Variants in CFAP77 observed in about 807,000 individuals in gnomAD.
CFAP77 encodes the protein cilia- and flagella-associated protein 77.
In CFAP77, 25 loss-of-function variants were observed where a neutral mutation model predicts 31.1. The observed-to-expected ratio is 0.80, with a 90% CI of 0.59 to 1.12. CFAP77 has a LOEUF of 1.12. Ranked by LOEUF, CFAP77 falls within the 50% of genes most tolerant of loss-of-function variation. The probability of loss-of-function intolerance (pLI) is 0.00; values close to 1 mark genes in which losing one functional copy is unlikely to be tolerated. For missense variants in CFAP77, 377 were observed against 397.3 expected (o/e 0.95, Z 0.44); for synonymous variants, 151 against 159.9 (o/e 0.94, Z 0.42).
At chr9:132,448,314 T>G (rs1850763930) in intron 1 of CFAP77, among the ~76,000 whole-genome samples, 1 of 152,132 alleles carries the variant, frequency 6.6e-6, no homozygotes, top group African/African-American at 2.4e-5. Context: ...CACATTCAAT[T>G]AGGTTGATTA....
chr9:132,561,661 A>ACACACAC (rs1247071368), intron 5 of CFAP77, among the ~76,000 whole-genome samples: 40 of 46,484 alleles, frequency 8.6e-4, no homozygotes, highest in Non-Finnish European at 1.7e-4. Context: ...ACACACACAC[A>ACACACAC]CCCCCTCCAT....
At chr9:132,472,842 G>T (rs1353552377) in intron 1 of CFAP77, among the ~76,000 whole-genome samples, 1 of 152,174 alleles carries the variant, frequency 6.6e-6, no homozygotes, top group African/African-American at 2.4e-5. Flanking sequence ...CTCTGGGAAA[G>T]CATTTGTATT....
chr9:132,443,007 G>T (rs1850639996), intron 1 of CFAP77, among the ~76,000 whole-genome samples: 1 of 151,886 alleles, frequency 6.6e-6, no homozygotes, highest in African/African-American at 2.4e-5. Flanking sequence ...CCACTAACCT[G>T]CCTTTTGTCT....
chr9:132,500,310 C>T (rs967180197), intron 3 of CFAP77, among the ~76,000 whole-genome samples: 1 of 152,166 alleles, frequency 6.6e-6, no homozygotes, highest in Admixed American at 6.5e-5. Context: ...CCATGGGATC[C>T]TTGCCCCAGC....
chr9:132,556,583 C>T (rs1447471148), intron 5 of CFAP77, among the ~76,000 whole-genome samples: 3 of 152,214 alleles, frequency 2.0e-5, no homozygotes, highest in Non-Finnish European at 2.9e-5. Flanking sequence ...CCCACCCCAC[C>T]CCCCGAGCCC....
intron 4 of CFAP77, among the ~76,000 whole-genome samples, chr9:132,542,564 C>G (rs1360486627): frequency 6.6e-6 from 1 of 152,242 alleles, no homozygotes; most frequent in Non-Finnish European, 1.5e-5. Flanking sequence ...GAATCGTGCA[C>G]TTCTTCATCC....
intron 3 of CFAP77, among the ~76,000 whole-genome samples, chr9:132,524,656 A>T (rs536469091): frequency 6.6e-6 from 1 of 151,714 alleles, no homozygotes; most frequent in Non-Finnish European, 1.5e-5. Context: ...TTATTTATTT[A>T]TTTATTTATT....
chr9:132,474,705 G>A (rs1851321772), intron 1 of CFAP77, among the ~76,000 whole-genome samples: 1 of 152,196 alleles, frequency 6.6e-6, no homozygotes, highest in South Asian at 2.1e-4. Context: ...AGGGCCAAAG[G>A]TTGAGAAGAA....
At chr9:132,489,737 A>G (rs919104376) in intron 1 of CFAP77, among the ~76,000 whole-genome samples, 27 of 152,144 alleles carry the variant, frequency 1.8e-4, no homozygotes, top group African/African-American at 6.3e-4. Flanking sequence ...ACCTTTGCAC[A>G]TTCCAGTTTG....
intron 5 of CFAP77, among the ~76,000 whole-genome samples, chr9:132,548,737 C>T (rs976232080): frequency 1.3e-5 from 2 of 151,720 alleles, no homozygotes; most frequent in East Asian, 1.9e-4. Context: ...CCCCTCCCCC[C>T]ACAGTCCTTG....
intron 3 of CFAP77, among the ~76,000 whole-genome samples, chr9:132,505,868 C>T (rs1369936461): frequency 1.3e-5 from 2 of 152,162 alleles, no homozygotes; most frequent in Non-Finnish European, 2.9e-5. Context: ...CGGATTGTCT[C>T]GATCCCTCAG....
chr9:132,535,058 G>A (rs987046493), intron 3 of CFAP77, among the ~76,000 whole-genome samples: 2 of 152,218 alleles, frequency 1.3e-5, no homozygotes, highest in African/African-American at 4.8e-5. Flanking sequence ...GGCACTAGGG[G>A]TGCTCACTGC....
In CFAP77 at chr9:132,424,774, G is replaced by A. The variant is rs1374094296; in HGVS notation, c.195+14308G>A. 6.6e-6 allele frequency among the ~76,000 whole-genome samples: 1 copy of A among 152,194 alleles called. No individual in the cohort carries two copies. The highest frequency in any genetic ancestry group is 1.5e-5 in the Non-Finnish European group (1 of 68,028). ...GTTATTCCAAACGTGCGCATCTGCC[G>A]GCCAGGGAGCCAGGATGGCTGGGGG... On this transcript the variant is annotated intron_variant, in intron 1 of 5. Transcript: ENST00000393216. This position sits in a 1 kb window ranked among gnomAD's most constrained non-coding sequence, Gnocchi z 4.1.
chr9:132,410,945 C>T (rs992114497), intron 1 of CFAP77, among the ~76,000 whole-genome samples: 2 of 152,220 alleles, frequency 1.3e-5, no homozygotes, highest in East Asian at 1.9e-4. Flanking sequence ...GGAAGCATCA[C>T]GTCGAATGTT....
At chr9:132,423,520 A>C (rs1256428935) in intron 1 of CFAP77, among the ~76,000 whole-genome samples, 1 of 152,142 alleles carries the variant, frequency 6.6e-6, no homozygotes, top group African/African-American at 2.4e-5. Context: ...CATTTTACAG[A>C]TGGGGAAGCC....
At chr9:132,439,618 G>A (rs1452261054) in intron 1 of CFAP77, among the ~76,000 whole-genome samples, 6 of 151,946 alleles carry the variant, frequency 3.9e-5, no homozygotes, top group South Asian at 2.1e-4. Context: ...AGGCCAAGGC[G>A]GGCAGATCAC....
chr9:132,548,488 AACGCTCGC>A (rs1852770855), intron 5 of CFAP77, among the ~76,000 whole-genome samples: 1 of 152,200 alleles, frequency 6.6e-6, no homozygotes, highest in African/African-American at 2.4e-5. Context: ...TGTCTCACCA[AACGCTCGC>A]ACGCTGCTGG....
At position 132,563,952 on chromosome 9, in the gene CFAP77, C is replaced by A. The variant is rs138089264; in HGVS notation, c.733-8436C>A. Among the ~76,000 whole-genome samples, 19 of 152,302 alleles carry A rather than the reference C, an allele frequency of 1.2e-4. No individual in the cohort carries two copies. In the East Asian group the frequency reaches 3.5e-3, roughly 28 times the overall value. On this transcript the variant is annotated intron_variant, in intron 5 of 5. Transcript: ENST00000393216. ...CCTTTCTTCAGCTGTGGGACCCCAG[C>A]ACCAGCTACTCTTTCTCTTTGAGTA...
At chr9:132,494,312 G>A (rs1381302141) in intron 1 of CFAP77, among the ~76,000 whole-genome samples, 2 of 152,152 alleles carry the variant, frequency 1.3e-5, no homozygotes, top group Admixed American at 1.3e-4. Context: ...ATGCCTGGCA[G>A]CATTCCTGGC....
Sources: allele counts gnomAD v4.1 joint callset (sites outside exome capture counted in the v4.1 genomes callset), GRCh38; gene constraint gnomAD v4.1.1; non-coding constraint Gnocchi (gnomAD v3.1); transcripts MANE v1.5; gene names NCBI Gene and HGNC (gene_info 2026-07-23, HGNC 2026-07-21).